The following MEGF6 variants were observed in gnomAD, a reference collection of about 807,000 sequenced individuals.
MEGF6 encodes multiple EGF like domains 6, also known as multiple epidermal growth factor-like domains protein 6.
Under a neutral mutation model 207.1 loss-of-function variants are expected in MEGF6, and 184 were observed. The ratio of observed to expected loss-of-function variants is 0.89; its 90% CI spans 0.79 to 1.00. The LOEUF (loss-of-function observed/expected upper bound fraction) is 1.00. Among genes scored for constraint, MEGF6 ranks in the 50% least tolerant of loss-of-function variants. The probability of loss-of-function intolerance (pLI) is 0.00; values close to 1 mark genes in which losing one functional copy is unlikely to be tolerated. For missense variants in MEGF6, 2,282 were observed against 2,202.9 expected, an observed-to-expected ratio of 1.04 and a Z score of -0.72; for synonymous variants, 1,038 against 910.0, an observed-to-expected ratio of 1.14 and a Z score of -2.53.
At chr1:3,607,545 G>A (rs947661059) in intron 1 of MEGF6, among the ~76,000 whole-genome samples, 7 of 152,212 alleles carry the variant, frequency 4.6e-5, no homozygotes, top group Admixed American at 1.3e-4. Context: ...GCACCCGCAC[G>A]GCCCCGGCGG....
chr1:3,536,149 C>T (rs1055696899), intron 4 of MEGF6, among the ~76,000 whole-genome samples: 2 of 152,174 alleles, frequency 1.3e-5, no homozygotes, highest in Non-Finnish European at 1.5e-5. Flanking sequence ...CCATGACCTC[C>T]GATGCATCCT....
chr1:3,576,156 A>T (rs1013393881), intron 4 of MEGF6, among the ~76,000 whole-genome samples: 9 of 152,230 alleles, frequency 5.9e-5, no homozygotes, highest in African/African-American at 2.2e-4. Context: ...GGAAGCCTTC[A>T]CTGCAGGGCC....
chr1:3,581,385 A>C (rs1643793558), intron 3 of MEGF6, among the ~76,000 whole-genome samples: 1 of 152,070 alleles, frequency 6.6e-6, no homozygotes, highest in Non-Finnish European at 1.5e-5. Context: ...CTCCAGCCAA[A>C]CACCTGCAGC....
intron 4 of MEGF6, among the ~76,000 whole-genome samples, chr1:3,559,601 T>C (rs1203621979): frequency 1.3e-5 from 2 of 150,252 alleles, no homozygotes; most frequent in Non-Finnish European, 2.9e-5. Flanking sequence ...ACCCAGTGGC[T>C]TGGGAGTGGG....
intron 29 of MEGF6, 114 bp downstream of exon 29, chr1:3,496,541 G>C (rs1640612397): frequency 1.4e-6 from 2 of 1,461,890 alleles, no homozygotes; most frequent in Non-Finnish European, 1.9e-6. Context: ...CCCAGCCAGA[G>C]GGGGCTGAAG....
In MEGF6 at chr1:3,501,186, A is replaced by T; in HGVS notation, c.2437T>A (p.Cys813Ser). ...GCTCCAGCTCACTCACCGTCCTGGC[A>T]GCGGCTGCCGACGAAGCCAGGGAGG... ...LCLPGFVGSRCQDVCPAGWYG... is the reference protein window; with the variant it reads ...LCLPGFVGSRSQDVCPAGWYG... Residue 813 changes from cysteine to serine, a missense_variant, in exon 19 of 37, where the codon TGC becomes AGC. Coordinates refer to ENST00000356575, the MANE Select transcript of MEGF6 (RefSeq NM_001409.4). 1 of 1,612,174 alleles carries T rather than the reference A, an allele frequency of 6.2e-7. No homozygotes were observed. The highest frequency in any genetic ancestry group is 8.5e-7 in the Non-Finnish European group (1 of 1,179,758).
At position 3,501,049 on chromosome 1, in the gene MEGF6, G is replaced by A. The variant is rs770169206; in HGVS notation, c.2492C>T (p.Ser831Phe). The change falls in exon 20 of 37, where the codon TCT becomes TTT. Residue 831 changes from serine (S) to phenylalanine (F), a missense_variant. Coordinates refer to ENST00000356575, the MANE Select transcript of MEGF6 (RefSeq NM_001409.4). ...GTGGCAGTGCCCATCATTGGCACAAGAGCACCTTGTCTGGCAGCTGGGACC... is the reference window on the plus strand; with the variant it reads ...GTGGCAGTGCCCATCATTGGCACAAAAGCACCTTGTCTGGCAGCTGGGACC... ...WYGPSCQTRC[S>F]CANDGHCHPA... is the part of the protein sequence containing the mutation. The A allele has an allele frequency of 2.5e-6, 4 of 1,612,804 alleles. No individual in the cohort carries two copies. The highest frequency in any genetic ancestry group is 3.4e-6 in the Non-Finnish European group (4 of 1,179,960).
At chr1:3,532,831 G>A (rs1473833763) in intron 4 of MEGF6, among the ~76,000 whole-genome samples, 3 of 152,200 alleles carry the variant, frequency 2.0e-5, no homozygotes, top group African/African-American at 2.4e-5. Flanking sequence ...CCTCAGCTGC[G>A]GCCGCTGTGC....
chr1:3,608,529 G>A (rs775725491), intron 1 of MEGF6, among the ~76,000 whole-genome samples: 26 of 152,214 alleles, frequency 1.7e-4, no homozygotes, highest in Non-Finnish European at 3.4e-4. Flanking sequence ...GGCCCGACCC[G>A]CCCTGGAGGG....
chr1:3,536,654 C>T (rs1557758886), intron 4 of MEGF6, among the ~76,000 whole-genome samples: 1 of 152,180 alleles, frequency 6.6e-6, no homozygotes, highest in Non-Finnish European at 1.5e-5. Flanking sequence ...GAAACGCAGC[C>T]GGCGTCTGTG....
At chr1:3,553,262 C>A (rs1434615304) in intron 4 of MEGF6, among the ~76,000 whole-genome samples, 1 of 151,892 alleles carries the variant, frequency 6.6e-6, no homozygotes, top group Non-Finnish European at 1.5e-5. Flanking sequence ...GCCCAGCCTG[C>A]CCAGCTCCCC....
At chr1:3,538,239 C>T (rs1179351823) in intron 4 of MEGF6, among the ~76,000 whole-genome samples, 4 of 152,188 alleles carry the variant, frequency 2.6e-5, no homozygotes, top group Non-Finnish European at 4.4e-5. Context: ...TGCCTCCCTG[C>T]GGAGACAGAG....
At chr1:3,495,428 C>T (rs1269356697) in intron 30 of MEGF6, among the ~76,000 whole-genome samples, 1 of 152,206 alleles carries the variant, frequency 6.6e-6, no homozygotes, top group African/African-American at 2.4e-5. Context: ...CGCCTGTCCC[C>T]TGGGTCCAGC....
At position 3,500,074 on chromosome 1, in the gene MEGF6, AT is replaced by A. The variant is rs1262851143; in HGVS notation, c.2708-151del. ...CCCAAGGGAGACTGGGCTCACTCAC[AT>A]GCTTCATCCCCCACCCAGGTGGGGC... On this transcript the variant is annotated intron_variant, in intron 21 of 36. Transcript: ENST00000356575. 6.9e-5 allele frequency: 86 copies of A among 1,238,508 alleles called. 1 individual carries two copies. The highest frequency in any genetic ancestry group is 5.7e-4 in the Middle Eastern group (2 of 3,506). 76.7% of individuals were successfully genotyped at this position (1,238,508 alleles called of 1,614,324 possible).
At chr1:3,585,007 T>C (rs1280819804) in intron 3 of MEGF6, among the ~76,000 whole-genome samples, 1 of 152,246 alleles carries the variant, frequency 6.6e-6, no homozygotes, top group Non-Finnish European at 1.5e-5. Flanking sequence ...CAGCCATGAA[T>C]GGGAGCAGGT....
At chr1:3,608,201 G>A (rs568539951) in intron 1 of MEGF6, among the ~76,000 whole-genome samples, 8 of 152,308 alleles carry the variant, frequency 5.3e-5, no homozygotes, top group Non-Finnish European at 2.9e-5. Flanking sequence ...AGGCCCTGGG[G>A]TTGGGGGAGC....
At chr1:3,528,292 CA>C (rs755346394) in intron 4 of MEGF6, among the ~76,000 whole-genome samples, 4 of 152,206 alleles carry the variant, frequency 2.6e-5, no homozygotes, top group Non-Finnish European at 5.9e-5. Context: ...ACGCGTCACC[CA>C]AACCCTCTCT....
intron 3 of MEGF6, among the ~76,000 whole-genome samples, chr1:3,589,383 C>T (rs1643941635): frequency 1.3e-5 from 2 of 152,126 alleles, no homozygotes; most frequent in South Asian, 4.1e-4. Context: ...CACCCCACGC[C>T]CGTCCCATTT....
At chr1:3,610,827 C>A (rs1011454965) in intron 1 of MEGF6, among the ~76,000 whole-genome samples, 3 of 151,122 alleles carry the variant, frequency 2.0e-5, no homozygotes, top group South Asian at 2.1e-4. Context: ...AGACCCTGCC[C>A]GGAAAGGGGC....
Sources: allele counts gnomAD v4.1 joint callset (sites outside exome capture counted in the v4.1 genomes callset), GRCh38; gene constraint gnomAD v4.1.1; transcripts MANE v1.5; gene names NCBI Gene and HGNC (gene_info 2026-07-23, HGNC 2026-07-21).